ROBO2: variants seen among roughly 807,000 people sequenced by gnomAD.
ROBO2 encodes roundabout guidance receptor 2.
Under a neutral mutation model 160.8 loss-of-function variants are expected in ROBO2, and 53 were observed. The ratio of observed to expected loss-of-function variants is 0.33; its 90% CI spans 0.26 to 0.41. The LOEUF (loss-of-function observed/expected upper bound fraction) is 0.41, where lower values mean the gene tolerates loss of function less well. Ranked by LOEUF, ROBO2 falls within the 10% of genes least tolerant of loss-of-function variation. ROBO2 has a pLI of 1.00. For missense variants in ROBO2, 1,577 were observed against 1,722.4 expected, an observed-to-expected ratio of 0.92 and a Z score of 1.49; for synonymous variants, 664 against 611.7, an observed-to-expected ratio of 1.09 and a Z score of -1.26.
intron 2 of ROBO2, among the ~76,000 whole-genome samples, chr3:76,083,412 A>C (rs2068902459): frequency 6.6e-6 from 1 of 152,236 alleles, no homozygotes; most frequent in Middle Eastern, 3.4e-3. Flanking sequence ...CCAAAGTTGC[A>C]CTGGGAGTCT....
chr3:77,282,210 G>A (rs541641211), intron 2 of ROBO2, among the ~76,000 whole-genome samples: 4 of 152,114 alleles, frequency 2.6e-5, no homozygotes, highest in African/African-American at 9.6e-5. Context: ...AATTTTGCAA[G>A]CTCTTATAAT....
chr3:77,195,659 A>G (rs953707146), intron 2 of ROBO2, among the ~76,000 whole-genome samples: 1 of 152,236 alleles, frequency 6.6e-6, no homozygotes, highest in African/African-American at 2.4e-5. Context: ...ACTTTTTAGA[A>G]CGAAATATAA....
rs2073276763 is a variant in ROBO2 at position 76,177,607 on chromosome 3, G to T, written c.109+240005G>T. Among the ~76,000 whole-genome samples, 3 of 151,958 alleles carry T rather than the reference G, an allele frequency of 2.0e-5. No homozygotes were observed. In the South Asian group the frequency reaches 6.2e-4, roughly 32 times the overall value. On this transcript the variant is annotated intron_variant, in intron 2 of 26. Coordinates refer to the ROBO2 transcript ENST00000487694. Reference sequence around the variant, plus strand: ...AATGTTCTTTTCTATTTTTATTTTTGGCTTATTACCTTTTTCTCCTAGCTA... The same window carrying T: ...AATGTTCTTTTCTATTTTTATTTTTTGCTTATTACCTTTTTCTCCTAGCTA...
chr3:77,044,662 G>A (rs2064457181), intron 1 of ROBO2, among the ~76,000 whole-genome samples: 1 of 152,136 alleles, frequency 6.6e-6, no homozygotes, highest in Admixed American at 6.5e-5. Flanking sequence ...AAGGAAAAAT[G>A]TGAATAATAT....
chr3:76,961,357 AT>A (rs1386923156), intron 2 of ROBO2, among the ~76,000 whole-genome samples: 11 of 151,828 alleles, frequency 7.2e-5, no homozygotes, highest in African/African-American at 2.7e-4. Flanking sequence ...CACATCGAAA[AT>A]TTTCATTTTT....
chr3:77,244,810 G>T (rs150223877), intron 2 of ROBO2, among the ~76,000 whole-genome samples: 1 of 150,914 alleles, frequency 6.6e-6, no homozygotes, highest in Non-Finnish European at 1.5e-5. Context: ...CCTGGGAGGC[G>T]GAGCTTGCAG....
intron 2 of ROBO2, among the ~76,000 whole-genome samples, chr3:76,757,133 T>A (rs2061020979): frequency 6.6e-6 from 1 of 151,804 alleles, no homozygotes; most frequent in Admixed American, 6.6e-5. Flanking sequence ...GTAAGCAAGA[T>A]AGATATGAAT....
chr3:76,100,503 A>T (rs2069640433), intron 2 of ROBO2, among the ~76,000 whole-genome samples: 1 of 152,234 alleles, frequency 6.6e-6, no homozygotes, highest in Admixed American at 6.5e-5. Context: ...CAAAGATAGT[A>T]AATTTTACTT....
At position 76,292,487 on chromosome 3, in the gene ROBO2, GAATGTAGACTC is replaced by G. The variant is rs1293141894; in HGVS notation, c.109+354886_109+354896del. Among the ~76,000 whole-genome samples, 5 of 152,270 alleles carry G rather than the reference GAATGTAGACTC, an allele frequency of 3.3e-5. No homozygotes were observed. The South Asian group carries it at 1.0e-3, about 32-fold the overall frequency. On this transcript the variant is annotated intron_variant, in intron 2 of 26. Coordinates refer to the ROBO2 transcript ENST00000487694. ...ATAAGATGTAACATTTACTCTTAAA[GAATGTAGACTC>G]TCTATTCCACCCATTCTATCCTTTT...
At chr3:76,523,737 C>T (rs2081770224) in intron 2 of ROBO2, among the ~76,000 whole-genome samples, 1 of 151,958 alleles carries the variant, frequency 6.6e-6, no homozygotes, top group Non-Finnish European at 1.5e-5. Context: ...TGAATAACAA[C>T]TTAATAGAAG....
At chr3:76,275,814 AT>A (rs999773781) in intron 2 of ROBO2, among the ~76,000 whole-genome samples, 6 of 152,140 alleles carry the variant, frequency 3.9e-5, no homozygotes, top group African/African-American at 2.4e-5. Flanking sequence ...TTACCTAATA[AT>A]TCCCACCTGT....
At chr3:76,561,965 T>G (rs75697589) in intron 2 of ROBO2, among the ~76,000 whole-genome samples, 2,620 of 152,270 alleles carry the variant, frequency 0.017, 34 homozygotes, top group Middle Eastern at 0.048. Flanking sequence ...TATAGAAGTC[T>G]GCTGGCACTT....
At chr3:77,578,032 G>A (rs949766362) in intron 15 of ROBO2, among the ~76,000 whole-genome samples, 1 of 151,982 alleles carries the variant, frequency 6.6e-6, no homozygotes, top group Non-Finnish European at 1.5e-5. Context: ...AGGTGGAGTG[G>A]GTTGTGGCAG....
At chr3:76,833,038 C>T (rs2067222367) in intron 2 of ROBO2, among the ~76,000 whole-genome samples, 2 of 151,840 alleles carry the variant, frequency 1.3e-5, no homozygotes, top group African/African-American at 2.4e-5. Flanking sequence ...TAACATGGAG[C>T]GTGATAGGAA....
At chr3:76,071,513 C>G (rs986928510) in intron 2 of ROBO2, among the ~76,000 whole-genome samples, 7 of 152,004 alleles carry the variant, frequency 4.6e-5, no homozygotes, top group Admixed American at 4.6e-4. Context: ...TTTATTTCAA[C>G]CCGGTTTATG....
chr3:76,560,121 C>T (rs1026738630), intron 2 of ROBO2, among the ~76,000 whole-genome samples: 10 of 151,880 alleles, frequency 6.6e-5, no homozygotes, highest in African/African-American at 2.4e-4. Flanking sequence ...GATGTCTTTC[C>T]TACATTTTTC....
intron 2 of ROBO2, among the ~76,000 whole-genome samples, chr3:76,587,233 C>T (rs1268566204): frequency 6.6e-6 from 1 of 152,132 alleles, no homozygotes; most frequent in East Asian, 1.9e-4. Context: ...TTTTTCTCCA[C>T]TTAATGTGAG....
At chr3:76,616,201 A>G (rs543462289) in intron 2 of ROBO2, among the ~76,000 whole-genome samples, 1 of 152,360 alleles carries the variant, frequency 6.6e-6, no homozygotes, top group East Asian at 1.9e-4. Flanking sequence ...AAAGCACAAT[A>G]CCAGCAAATT....
intron 2 of ROBO2, among the ~76,000 whole-genome samples, chr3:77,299,478 G>A (rs1464990869): frequency 6.6e-6 from 1 of 152,162 alleles, no homozygotes; most frequent in African/African-American, 2.4e-5. Flanking sequence ...TTACAATCGT[G>A]ATGGAAGGAG....
Sources: allele counts gnomAD v4.1 joint callset (sites outside exome capture counted in the v4.1 genomes callset), GRCh38; gene constraint gnomAD v4.1.1; transcripts MANE v1.5; gene names NCBI Gene and HGNC (gene_info 2026-07-23, HGNC 2026-07-21).